Variants in SDCCAG8 observed in about 807,000 individuals in gnomAD.
SDCCAG8 encodes serologically defined colon cancer antigen 8.
A neutral mutation model predicts 101.8 loss-of-function variants in SDCCAG8; 74 were observed. The ratio of observed to expected loss-of-function variants is 0.73; its 90% CI spans 0.60 to 0.88. The LOEUF (loss-of-function observed/expected upper bound fraction) is 0.88, where lower values mean the gene tolerates loss of function less well. Among genes scored for constraint, SDCCAG8 ranks in the 40% least tolerant of loss-of-function variants. The pLI, the probability that SDCCAG8 is intolerant of heterozygous loss-of-function variation, is 0.00. For missense variants in SDCCAG8, 787 were observed against 822.6 expected (o/e 0.96, Z 0.53); for synonymous variants, 281 against 292.9 (o/e 0.96, Z 0.41).
intron 16 of SDCCAG8, among the ~76,000 whole-genome samples, chr1:243,449,778 G>A (rs1045981341): frequency 6.6e-6 from 1 of 152,148 alleles, no homozygotes; most frequent in Admixed American, 6.5e-5. Flanking sequence ...ATGGAGTCCT[G>A]GGCTCCTTTT....
intron 3 of SDCCAG8, among the ~76,000 whole-genome samples, chr1:243,272,175 C>A (rs550129687): frequency 2.0e-4 from 30 of 152,232 alleles, no homozygotes; most frequent in African/African-American, 6.7e-4. Context: ...TCTTTAGAAA[C>A]CTATGAAGTG....
chr1:243,365,562 A>G (rs973424247), intron 12 of SDCCAG8, among the ~76,000 whole-genome samples: 1 of 152,150 alleles, frequency 6.6e-6, no homozygotes, highest in African/African-American at 2.4e-5. Flanking sequence ...TTAATTTGTG[A>G]TAGTAGAAAA....
chr1:243,435,927 A>G (rs1388679516), intron 16 of SDCCAG8, among the ~76,000 whole-genome samples: 3 of 152,166 alleles, frequency 2.0e-5, no homozygotes, highest in Non-Finnish European at 2.9e-5. Flanking sequence ...ATTGAAAGGA[A>G]GGTACAAAGA....
At chr1:243,397,867 A>T (rs1320247513) in intron 13 of SDCCAG8, among the ~76,000 whole-genome samples, 1 of 152,214 alleles carries the variant, frequency 6.6e-6, no homozygotes, top group Non-Finnish European at 1.5e-5. Context: ...GTTTTCTAAG[A>T]CCTATTAAAA....
intron 16 of SDCCAG8, among the ~76,000 whole-genome samples, chr1:243,453,113 C>T (rs575996282): frequency 5.9e-5 from 9 of 152,308 alleles, no homozygotes; most frequent in East Asian, 1.9e-4. Context: ...TCTCCTTTTC[C>T]GGAGTTGATG....
At chr1:243,436,167 CTTTT>C (rs113227267) in intron 16 of SDCCAG8, among the ~76,000 whole-genome samples, 5 of 136,610 alleles carry the variant, frequency 3.7e-5, no homozygotes, top group Admixed American at 7.3e-5. Context: ...TGTTTATCAA[CTTTT>C]TTTTTTTTTT....
At chr1:243,447,248 CAAAAAAAAAAAAA>C (rs397830130) in intron 16 of SDCCAG8, among the ~76,000 whole-genome samples, 4 of 41,380 alleles carry the variant, frequency 9.7e-5, no homozygotes, top group South Asian at 2.0e-3. Flanking sequence ...GACTTCGTCT[CAAAAAAAAAAAAA>C]AAAAAAAAAA....
Position 243,304,727 on chromosome 1 carries a change from T to A in SDCCAG8, c.690T>A (p.Leu230=), listed in dbSNP as rs1419122473. The A allele has an allele frequency of 6.3e-7, 1 of 1,584,352 alleles. No individual in the cohort carries two copies. The highest frequency in any genetic ancestry group is 1.1e-5 in the South Asian group (1 of 90,398). Residue 230 remains leucine (L), a synonymous_variant, in exon 7 of 18, where the codon CTT becomes CTA. Transcript: ENST00000366541. ...CTTTTCTATAGGAGAAGCTAAAACT[T>A]ACTTATGAGGAAAAGTGTGAAATTG... ...GEQLELEKLK[L]TYEEKCEIEE...
At chr1:243,363,232 A>C (rs2076817646) in intron 12 of SDCCAG8, among the ~76,000 whole-genome samples, 1 of 152,226 alleles carries the variant, frequency 6.6e-6, no homozygotes. Context: ...GAACCAGATC[A>C]TGTTTATTTT....
At chr1:243,351,951 A>G (rs2076102908) in intron 12 of SDCCAG8, among the ~76,000 whole-genome samples, 1 of 152,206 alleles carries the variant, frequency 6.6e-6, no homozygotes, top group African/African-American at 2.4e-5. Context: ...GTTGGAGATC[A>G]TTGGGGCATT....
intron 9 of SDCCAG8, among the ~76,000 whole-genome samples, chr1:243,322,950 T>C (rs2451668): frequency 0.55 from 84,024 of 151,594 alleles, 23,498 homozygotes; most frequent in East Asian, 0.75. Context: ...TCCTGGCCAA[T>C]GTGGTGAGAC....
At chr1:243,301,134 CA>C (rs370132957) in intron 6 of SDCCAG8, among the ~76,000 whole-genome samples, 11 of 151,906 alleles carry the variant, frequency 7.2e-5, no homozygotes, top group African/African-American at 2.2e-4. Context: ...AGGAGGAATG[CA>C]AAAAAACATA....
At chr1:243,300,498 T>C (rs2149308441) in intron 6 of SDCCAG8, among the ~76,000 whole-genome samples, 1 of 152,276 alleles carries the variant, frequency 6.6e-6, no homozygotes, top group Non-Finnish European at 1.5e-5. Context: ...CCCTCCAGTG[T>C]TTCTTCTAGA....
chr1:243,457,161 A>G lies in SDCCAG8; in HGVS notation c.1985+30603A>G, dbSNP rs144665776. Among the ~76,000 whole-genome samples the G allele has an allele frequency of 5.9e-5, 9 of 152,318 alleles. No individual in the cohort carries two copies. In the East Asian group the frequency reaches 1.5e-3, roughly 26 times the overall value. On this transcript the variant is annotated intron_variant, in intron 16 of 17. Coordinates refer to ENST00000366541, the MANE Select transcript of SDCCAG8 (RefSeq NM_006642.5). ...ACCTTATTTTGTAAAAAAATAATTT[A>G]TTGATTATTTCATATTTTTTTCTTT... is the stretch of plus-strand genomic sequence containing the variant.
At chr1:243,479,234 G>A (rs1663020167) in intron 16 of SDCCAG8, among the ~76,000 whole-genome samples, 1 of 152,198 alleles carries the variant, frequency 6.6e-6, no homozygotes, top group Non-Finnish European at 1.5e-5. Context: ...TATGTAAATA[G>A]CTAGCGATAT....
rs972795826 is a variant in SDCCAG8 at position 243,314,808 on chromosome 1, C to G, written c.930-1947C>G. 2.0e-5 allele frequency among the ~76,000 whole-genome samples: 3 copies of G among 152,286 alleles called. No homozygotes were observed. The East Asian group carries it at 5.8e-4, about 29-fold the overall frequency. ...CACTGCAACTTCCACCTCCCAGGTTCAAGCAATTCTTGTGCCTCAGCCTCC... is the reference window on the plus strand; with the variant it reads ...CACTGCAACTTCCACCTCCCAGGTTGAAGCAATTCTTGTGCCTCAGCCTCC... On this transcript the variant is annotated intron_variant, in intron 8 of 17. Transcript: ENST00000366541.
intron 2 of SDCCAG8, 102 bp from the exon 3 acceptor site, chr1:243,270,876 G>A: frequency 1.2e-6 from 1 of 813,100 alleles, no homozygotes. Flanking sequence ...AATTCTTGAT[G>A]CATAATATAT....
chr1:243,445,707 GGACATAAA>G (rs1413740141), intron 16 of SDCCAG8, among the ~76,000 whole-genome samples: 2 of 152,162 alleles, frequency 1.3e-5, no homozygotes, highest in Non-Finnish European at 2.9e-5. Flanking sequence ...AACTAAGTGA[GGACATAAA>G]GACACTTGGG....
intron 13 of SDCCAG8, among the ~76,000 whole-genome samples, chr1:243,402,017 T>C (rs2079429448): frequency 6.6e-6 from 1 of 152,206 alleles, no homozygotes; most frequent in Admixed American, 6.5e-5. Flanking sequence ...TGCTTTGCTA[T>C]AGGGTGGTAG....
Sources: allele counts gnomAD v4.1 joint callset (sites outside exome capture counted in the v4.1 genomes callset), GRCh38; gene constraint gnomAD v4.1.1; transcripts MANE v1.5; gene names NCBI Gene and HGNC (gene_info 2026-07-23, HGNC 2026-07-21).